The following CNTN5 variants were observed in gnomAD, a reference collection of about 807,000 sequenced individuals.
CNTN5 encodes contactin 5.
In CNTN5, 77 loss-of-function variants were observed where a neutral mutation model predicts 129.1. That is an observed-to-expected ratio of 0.60 (90% CI 0.50 to 0.72). The LOEUF (loss-of-function observed/expected upper bound fraction) is 0.72, where lower values mean the gene tolerates loss of function less well. Ranked by LOEUF, CNTN5 falls within the 30% of genes least tolerant of loss-of-function variation. CNTN5 has a pLI of 0.00. For synonymous variants in CNTN5, 509 were observed against 465.6 expected, an observed-to-expected ratio of 1.09 and a Z score of -1.20; for missense variants, 1,478 against 1,328.8, an observed-to-expected ratio of 1.11 and a Z score of -1.75.
At chr11:99,235,539 A>G (rs149539107) in intron 1 of CNTN5, among the ~76,000 whole-genome samples, 238 of 152,272 alleles carry the variant, frequency 1.6e-3, no homozygotes, top group Admixed American at 4.2e-3. Flanking sequence ...TGGCTCTGTA[A>G]TCATAGTGAA....
intron 6 of CNTN5, among the ~76,000 whole-genome samples, chr11:99,860,382 G>A (rs2135763058): frequency 6.6e-6 from 1 of 151,992 alleles, no homozygotes; most frequent in East Asian, 1.9e-4. Context: ...TCTTTCCTGA[G>A]GCCAGTGTCC....
chr11:99,534,278 G>A (rs1285113447), intron 2 of CNTN5, among the ~76,000 whole-genome samples: 3 of 152,194 alleles, frequency 2.0e-5, no homozygotes, highest in African/African-American at 7.2e-5. Context: ...TTTGACAGGA[G>A]CTATGAATAT....
At chr11:100,024,544 G>A (rs1941314384) in intron 9 of CNTN5, among the ~76,000 whole-genome samples, 1 of 152,180 alleles carries the variant, frequency 6.6e-6, no homozygotes, top group South Asian at 2.1e-4. Context: ...GGAGATGTGG[G>A]AAAGTTTTGA....
chr11:100,040,115 C>T (rs11824383), intron 9 of CNTN5, among the ~76,000 whole-genome samples: 6,293 of 152,040 alleles, frequency 0.041, 154 homozygotes, highest in African/African-American at 0.07. Flanking sequence ...TACCTTTGGT[C>T]TTTGATGATG....
chr11:99,912,986 G>A (rs2135999629), intron 6 of CNTN5, among the ~76,000 whole-genome samples: 1 of 151,998 alleles, frequency 6.6e-6, no homozygotes, highest in Admixed American at 6.6e-5. Flanking sequence ...ACACGAACAT[G>A]TATTTTTGAC....
chr11:100,031,540 G>C (rs953633709), intron 9 of CNTN5, among the ~76,000 whole-genome samples: 11 of 152,158 alleles, frequency 7.2e-5, no homozygotes, highest in African/African-American at 1.9e-4. Flanking sequence ...GCTCTTCTAG[G>C]CCTCTTTAGG....
chr11:99,695,579 T>C (rs1251168576), intron 3 of CNTN5, among the ~76,000 whole-genome samples: 1 of 151,972 alleles, frequency 6.6e-6, no homozygotes, highest in Non-Finnish European at 1.5e-5. Context: ...AAAGAGGCAC[T>C]GGATTATGGT....
chr11:100,306,634 A>G (rs1591499307), intron 20 of CNTN5, among the ~76,000 whole-genome samples: 1 of 151,724 alleles, frequency 6.6e-6, no homozygotes, highest in South Asian at 2.1e-4. Context: ...CCTCAGAAAC[A>G]TCAACATTCT....
chr11:99,956,349 G>C (rs561767175), intron 7 of CNTN5, among the ~76,000 whole-genome samples: 1 of 152,094 alleles, frequency 6.6e-6, no homozygotes, highest in Admixed American at 6.6e-5. Context: ...AAGACATGTA[G>C]TTTGCCTTTC....
At chr11:99,028,385 C>A (rs933553429) in intron 1 of CNTN5, among the ~76,000 whole-genome samples, 7 of 151,766 alleles carry the variant, frequency 4.6e-5, no homozygotes, top group Admixed American at 3.3e-4. Context: ...AGGAAATACA[C>A]CCATAGGGTG....
intron 6 of CNTN5, among the ~76,000 whole-genome samples, chr11:99,906,916 G>T (rs191944868): frequency 6.6e-6 from 1 of 151,950 alleles, no homozygotes; most frequent in Admixed American, 6.6e-5. Flanking sequence ...TTGCATAGAG[G>T]TGTTTATAGT....
At chr11:99,977,400 T>C (rs1204311774) in intron 8 of CNTN5, among the ~76,000 whole-genome samples, 1 of 152,226 alleles carries the variant, frequency 6.6e-6, no homozygotes, top group Non-Finnish European at 1.5e-5. Flanking sequence ...TTTACAGCAA[T>C]ATCTTACTCC....
chr11:99,048,451 A>G lies in CNTN5; in HGVS notation c.-210+27181A>G, dbSNP rs183717451. On this transcript the variant is annotated intron_variant, in intron 1 of 24. Coordinates refer to ENST00000524871, the MANE Select transcript of CNTN5 (RefSeq NM_014361.4). ...TTTCCCCCAGTATTTCTCTATTTTC[A>G]GAAATTACTTCATATAAATTTTCAC... Among the ~76,000 whole-genome samples, 86 of 152,294 alleles carry G rather than the reference A, an allele frequency of 5.6e-4. No individual in the cohort carries two copies. In the East Asian group the frequency reaches 0.015, roughly 26 times the overall value.
intron 1 of CNTN5, among the ~76,000 whole-genome samples, chr11:99,155,182 A>T (rs1317482458): frequency 1.3e-5 from 2 of 152,100 alleles, no homozygotes; most frequent in Non-Finnish European, 2.9e-5. Flanking sequence ...CTTGTGCAGG[A>T]TACCCAGCTA....
At chr11:99,099,221 C>T (rs1424764712) in intron 1 of CNTN5, among the ~76,000 whole-genome samples, 2 of 151,884 alleles carry the variant, frequency 1.3e-5, no homozygotes, top group African/African-American at 2.4e-5. Context: ...TAAATAATGT[C>T]CACTGTTAAT....
chr11:100,289,459 G>A (rs369422908), intron 18 of CNTN5, among the ~76,000 whole-genome samples: 31 of 150,968 alleles, frequency 2.1e-4, no homozygotes, highest in African/African-American at 6.3e-4. Context: ...TTCAATATAC[G>A]CAAATCAATA....
chr11:99,086,339 C>G (rs1371694566), intron 1 of CNTN5, among the ~76,000 whole-genome samples: 1 of 152,168 alleles, frequency 6.6e-6, no homozygotes, highest in Non-Finnish European at 1.5e-5. Context: ...CAAGGAATAC[C>G]TGGAGCTGGG....
chr11:99,976,076 G>C (rs1211467831), intron 8 of CNTN5, among the ~76,000 whole-genome samples: 2 of 152,172 alleles, frequency 1.3e-5, no homozygotes, highest in Non-Finnish European at 2.9e-5. Context: ...TAACCAAGGG[G>C]CTACAGGCCC....
chr11:99,475,439 A>C (rs1945334217), intron 2 of CNTN5, among the ~76,000 whole-genome samples: 1 of 152,180 alleles, frequency 6.6e-6, no homozygotes, highest in East Asian at 1.9e-4. Context: ...AAAACTACCA[A>C]CATAGGCCAT....
Sources: gnomAD v4.1 joint callset for allele counts (sites outside exome capture counted in the v4.1 genomes callset) on GRCh38, gnomAD v4.1.1 for gene constraint, MANE v1.5 for transcripts, NCBI Gene and HGNC (gene_info 2026-07-23, HGNC 2026-07-21) for gene names.